OR4K1: variants seen among roughly 807,000 people sequenced by gnomAD.
The protein encoded by OR4K1 is olfactory receptor 4K1.
In OR4K1, 16 loss-of-function variants were observed where a neutral mutation model predicts 14.4. That is an observed-to-expected ratio of 1.11 (90% CI 0.75 to 1.68). OR4K1 has a LOEUF of 1.68. OR4K1 is among the 40% of genes most tolerant of loss of function. OR4K1 has a pLI of 0.00. For synonymous variants in OR4K1, 181 were observed against 133.1 expected (o/e 1.36, Z -2.48); for missense variants, 548 against 376.9 (o/e 1.45, Z -3.76).
upstream of OR4K1, among the ~76,000 whole-genome samples, chr14:19,928,700 T>C (rs1489630071): frequency 6.6e-6 from 1 of 152,200 alleles, no homozygotes; most frequent in African/African-American, 2.4e-5. Flanking sequence ...ATAATTAACA[T>C]ATTTTCTCCC....
At chr14:19,929,802 CAT>C, upstream of OR4K1, among the ~76,000 whole-genome samples, 1 of 152,332 alleles carries the variant, frequency 6.6e-6, no homozygotes, top group Admixed American at 6.5e-5. Context: ...TTCCCTGAAT[CAT>C]TGCTGCTGAA....
chr14:19,935,585 T>C, intron 1 of OR4K1, 63 bp from the exon 2 acceptor site: 2 of 1,200,480 alleles, frequency 1.7e-6, no homozygotes, highest in South Asian at 1.5e-5. Context: ...ATTTCTTTTG[T>C]TTATAAACTA....
At chr14:19,928,890 G>A (rs1191609237), upstream of OR4K1, among the ~76,000 whole-genome samples, 1 of 152,002 alleles carries the variant, frequency 6.6e-6, no homozygotes, top group Non-Finnish European at 1.5e-5. Context: ...CAAGGAATTA[G>A]TCTCATTGGT....
the OR4K1 span, among the ~76,000 whole-genome samples, chr14:19,922,695 C>A: frequency 6.7e-6 from 1 of 148,256 alleles, no homozygotes; most frequent in Non-Finnish European, 1.5e-5. Context: ...TATGAAATAT[C>A]ATTGCATAAA....
the OR4K1 span, chr14:19,920,852 T>G: frequency 6.2e-7 from 1 of 1,614,242 alleles, no homozygotes. Context: ...CTAAAATGAT[T>G]GCAGATTTTC....
the OR4K1 span, among the ~76,000 whole-genome samples, chr14:19,922,075 C>G: frequency 7.7e-6 from 1 of 129,704 alleles, no homozygotes; most frequent in African/African-American, 2.7e-5. Context: ...AGACTCCCCC[C>G]CCCAAAAATC....
intron 1 of OR4K1, among the ~76,000 whole-genome samples, chr14:19,931,707 T>C (rs2138591149): frequency 6.6e-6 from 1 of 152,384 alleles, no homozygotes; most frequent in African/African-American, 2.4e-5. Context: ...ATATCCAACT[T>C]GGCTTTACAC....
chr14:19,935,560 T>C (rs2138597070), intron 1 of OR4K1, 88 bp from the exon 2 acceptor site: 3 of 1,028,466 alleles, frequency 2.9e-6, no homozygotes, highest in South Asian at 3.2e-5. Context: ...ATTTCTTTTG[T>C]TTAGAATTGA....
chr14:19,933,916 A>G (rs1882243663), intron 1 of OR4K1, among the ~76,000 whole-genome samples: 1 of 152,244 alleles, frequency 6.6e-6, no homozygotes, highest in Non-Finnish European at 1.5e-5. Flanking sequence ...TCAATTCTTC[A>G]TAACCAATGC....
At chr14:19,930,363 CTT>C (rs1555334833), upstream of OR4K1, among the ~76,000 whole-genome samples, 3 of 152,096 alleles carry the variant, frequency 2.0e-5, no homozygotes, top group Non-Finnish European at 4.4e-5. Context: ...ATCTAGAAAA[CTT>C]ATATAAAATA....
chr14:19,933,471 G>C (rs1026667874), intron 1 of OR4K1, among the ~76,000 whole-genome samples: 3 of 151,990 alleles, frequency 2.0e-5, no homozygotes, highest in African/African-American at 7.2e-5. Context: ...GTACACACAT[G>C]ATTAGAGATG....
At chr14:19,929,291 T>C (rs1200812051), upstream of OR4K1, among the ~76,000 whole-genome samples, 1 of 149,070 alleles carries the variant, frequency 6.7e-6, no homozygotes, top group Non-Finnish European at 1.5e-5. Flanking sequence ...TTCTGTTTCA[T>C]TTATTTTTTA....
chr14:19,928,007 C>G (rs1468564950), upstream of OR4K1, among the ~76,000 whole-genome samples: 1 of 152,184 alleles, frequency 6.6e-6, no homozygotes, highest in Non-Finnish European at 1.5e-5. Context: ...CAGCCACAAA[C>G]AAGATTGGAA....
the OR4K1 span, among the ~76,000 whole-genome samples, chr14:19,923,584 T>C: frequency 1.3e-5 from 2 of 152,070 alleles, no homozygotes; most frequent in Non-Finnish European, 2.9e-5. Flanking sequence ...AAAGAAAAAA[T>C]ATGTCAACAA....
rs543752160 is a variant in OR4K1 at position 19,936,477 on chromosome 14, C to T, written c.811C>T (p.Leu271Phe). Residue 271 changes from leucine to phenylalanine, a missense_variant, in exon 2 of 2, where the codon CTT becomes TTT. Coordinates refer to ENST00000641172, the MANE Select transcript of OR4K1 (RefSeq NM_001004063.3). ...TAGCAGACTTCCTGTGGACAAATTT[C>T]TTTCTGTGTTCTACACTGTTTGTAC... ...PFSRLPVDKF[L>F]SVFYTVCTPL... The T allele has an allele frequency of 1.9e-6, 3 of 1,613,958 alleles. No homozygotes were observed. In the East Asian group the frequency reaches 6.7e-5, roughly 36 times the overall value.
chr14:19,926,124 G>A (rs913679164), upstream of OR4K1, among the ~76,000 whole-genome samples: 1 of 152,240 alleles, frequency 6.6e-6, no homozygotes, highest in Non-Finnish European at 1.5e-5. Context: ...ATTATATGTT[G>A]TATTTGCAAT....
rs1293132025 is a variant in OR4K1 at position 19,936,658 on chromosome 14, A to C, written c.*56A>C. Reference sequence around the variant, plus strand: ...TAGAATGAAGACCCTCCAGTGTATCATAGTGTCATGCCAACCATCTTTGCC... The same window carrying C: ...TAGAATGAAGACCCTCCAGTGTATCCTAGTGTCATGCCAACCATCTTTGCC... On this transcript the variant is annotated 3_prime_UTR_variant, in exon 2 of 2. Coordinates refer to ENST00000641172, the MANE Select transcript of OR4K1 (RefSeq NM_001004063.3). 1.4e-6 allele frequency: 2 copies of C among 1,463,662 alleles called. No individual in the cohort carries two copies. The highest frequency in any genetic ancestry group is 4.6e-5 in the East Asian group (2 of 43,788). The allele number at this position is 1,463,662 out of a possible 1,614,324, so 90.7% of individuals were successfully genotyped here.
chr14:19,935,756 C>A lies in OR4K1; in HGVS notation c.90C>A (p.Ile30=), dbSNP rs748969138. ...GACTTCAACTTTTCTTTTTTGCCAT[C>A]TTCTCTATAGTCTATGTGACATCAG... ...SWGLQLFFFA[I]FSIVYVTSVL... Residue 30 remains isoleucine, a synonymous_variant, in exon 2 of 2, where the codon ATC becomes ATA. Coordinates refer to ENST00000641172, the MANE Select transcript of OR4K1 (RefSeq NM_001004063.3). The A allele has an allele frequency of 3.7e-6, 6 of 1,613,654 alleles. No individual in the cohort carries two copies. The South Asian group carries it at 5.5e-5, about 15-fold the overall frequency.
At chr14:19,932,631 C>G (rs374306016) in intron 1 of OR4K1, among the ~76,000 whole-genome samples, 52 of 152,302 alleles carry the variant, frequency 3.4e-4, no homozygotes, top group African/African-American at 1.3e-3. Context: ...TTTGTTTGTC[C>G]AAAAGCATCT....
Sources: allele counts gnomAD v4.1 joint callset (sites outside exome capture counted in the v4.1 genomes callset), GRCh38; gene constraint gnomAD v4.1.1; transcripts MANE v1.5; gene names NCBI Gene and HGNC (gene_info 2026-07-23, HGNC 2026-07-21).